SUMF1: variants seen among roughly 807,000 people sequenced by gnomAD.
SUMF1 encodes the protein formylglycine-generating enzyme.
In SUMF1, 48 loss-of-function variants were observed where a neutral mutation model predicts 47.6. The observed-to-expected ratio is 1.01, with a 90% confidence interval of 0.80 to 1.28. The LOEUF (loss-of-function observed/expected upper bound fraction) is 1.28, where lower values mean the gene tolerates loss of function less well. Ranked by LOEUF, SUMF1 falls within the 50% of genes most tolerant of loss-of-function variation. The probability of loss-of-function intolerance (pLI) is 0.00; values close to 1 mark genes in which losing one functional copy is unlikely to be tolerated. For synonymous variants in SUMF1, 230 were observed against 192.1 expected, an observed-to-expected ratio of 1.20 and a Z score of -1.63; for missense variants, 571 against 485.4, an observed-to-expected ratio of 1.18 and a Z score of -1.66.
At chr3:4,158,643 A>G (rs1694507559) in intron 8 of SUMF1, among the ~76,000 whole-genome samples, 4 of 151,464 alleles carry the variant, frequency 2.6e-5, no homozygotes. Context: ...ATATGTGCTC[A>G]TATATATCTG....
chr3:4,253,855 A>G (rs371004477), intron 8 of SUMF1, among the ~76,000 whole-genome samples: 547 of 149,386 alleles, frequency 3.7e-3, no homozygotes, highest in East Asian at 7.1e-3. Context: ...GCAGACTTAA[A>G]TGTCCCTGTC....
intron 8 of SUMF1, among the ~76,000 whole-genome samples, chr3:4,111,150 T>C (rs1693296938): frequency 6.6e-6 from 1 of 151,830 alleles, no homozygotes; most frequent in Non-Finnish European, 1.5e-5. Flanking sequence ...GACCCCTACA[T>C]GTAACAAAAT....
intron 8 of SUMF1, among the ~76,000 whole-genome samples, chr3:4,214,691 C>T (rs1695878240): frequency 6.6e-6 from 1 of 151,748 alleles, no homozygotes; most frequent in Non-Finnish European, 1.5e-5. Flanking sequence ...CAAATATATG[C>T]AATAAAAAAT....
intron 8 of SUMF1, among the ~76,000 whole-genome samples, chr3:4,133,812 T>G (rs1693850660): frequency 6.6e-6 from 1 of 152,108 alleles, no homozygotes; most frequent in South Asian, 2.1e-4. Context: ...TTTATATATG[T>G]ATATCTATTC....
intron 8 of SUMF1, among the ~76,000 whole-genome samples, chr3:4,312,479 A>G (rs1227128577): frequency 6.6e-6 from 1 of 152,120 alleles, no homozygotes. Context: ...TATATAACAT[A>G]CTATTATATA....
chr3:4,082,033 A>C (rs1692570914), intron 8 of SUMF1, among the ~76,000 whole-genome samples: 1 of 152,186 alleles, frequency 6.6e-6, no homozygotes, highest in Non-Finnish European at 1.5e-5. Context: ...CTTACTTTCA[A>C]ACAAGTAGTT....
intron 8 of SUMF1, among the ~76,000 whole-genome samples, chr3:4,351,551 T>C (rs1699502003): frequency 6.6e-6 from 1 of 152,240 alleles, no homozygotes; most frequent in Non-Finnish European, 1.5e-5. Context: ...CTGGAACGAA[T>C]GAGCTGATAA....
intron 8 of SUMF1, among the ~76,000 whole-genome samples, chr3:4,100,480 A>C (rs1454993974): frequency 6.6e-6 from 1 of 151,956 alleles, no homozygotes; most frequent in African/African-American, 2.4e-5. Flanking sequence ...AAAGCCACAG[A>C]TAAAATTTAA....
rs757223387 is a variant in SUMF1 at position 4,467,040 on chromosome 3, CGGTGA to C, written c.201_205del (p.His68IlefsTer6). The C allele has an allele frequency of 1.3e-6, 2 of 1,574,686 alleles. No individual in the cohort carries two copies. The highest frequency in any genetic ancestry group is 2.3e-5 in the South Asian group (2 of 86,658). ...CGGAGCGTTAGCCTCCCGCGAGTATCGGTGAGCGGCTGCCGAACTGCCATGGGCGC... is the reference window on the plus strand; with the variant it reads ...CGGAGCGTTAGCCTCCCGCGAGTATCGCGGCTGCCGAACTGCCATGGGCGC... On this transcript the variant is annotated frameshift_variant, in exon 1 of 9. Coordinates refer to ENST00000272902, the MANE Select transcript of SUMF1 (RefSeq NM_182760.4). LOFTEE classifies it high-confidence loss of function.
intron 8 of SUMF1, chr3:4,316,113 T>A (rs997840712): frequency 1.3e-5 from 7 of 543,382 alleles, no homozygotes; most frequent in Non-Finnish European, 2.3e-5. Flanking sequence ...GATATTGGAA[T>A]ACATTCTTAA....
chr3:4,074,522 A>T (rs1439891330), intron 8 of SUMF1, among the ~76,000 whole-genome samples: 1 of 152,138 alleles, frequency 6.6e-6, no homozygotes, highest in Non-Finnish European at 1.5e-5. Flanking sequence ...AGACACAAAA[A>T]AACCCTTCAA....
chr3:4,287,995 T>G (rs1358664659), intron 8 of SUMF1, among the ~76,000 whole-genome samples: 1 of 152,226 alleles, frequency 6.6e-6, no homozygotes, highest in African/African-American at 2.4e-5. Context: ...TTTAGCTCCC[T>G]TTCCTAACTC....
chr3:4,354,363 A>G (rs1211380636), intron 8 of SUMF1, among the ~76,000 whole-genome samples: 1 of 152,246 alleles, frequency 6.6e-6, no homozygotes, highest in Non-Finnish European at 1.5e-5. Flanking sequence ...ATGGGCCAAC[A>G]GACTATCCTC....
At chr3:4,240,462 A>T (rs1431845574) in intron 8 of SUMF1, among the ~76,000 whole-genome samples, 1 of 151,974 alleles carries the variant, frequency 6.6e-6, no homozygotes, top group East Asian at 1.9e-4. Context: ...TTTAATTTTC[A>T]TTTTGAAACC....
intron 8 of SUMF1, among the ~76,000 whole-genome samples, chr3:4,315,539 C>G (rs916790433): frequency 5.9e-5 from 9 of 152,166 alleles, no homozygotes; most frequent in Non-Finnish European, 1.2e-4. Context: ...TATTATATAG[C>G]ACTTAATCCT....
At chr3:4,090,646 T>C (rs1692765314) in intron 8 of SUMF1, among the ~76,000 whole-genome samples, 1 of 152,112 alleles carries the variant, frequency 6.6e-6, no homozygotes, top group Non-Finnish European at 1.5e-5. Context: ...CCCCCCATAT[T>C]TGTTATTGTT....
intron 8 of SUMF1, chr3:4,317,494 G>A (rs1311609184): frequency 1.1e-5 from 4 of 353,286 alleles, no homozygotes; most frequent in South Asian, 1.2e-4. Context: ...ACCAGCCTGG[G>A]CAACATAGTG....
At chr3:4,190,444 A>G (rs974984337) in intron 8 of SUMF1, among the ~76,000 whole-genome samples, 3 of 143,372 alleles carry the variant, frequency 2.1e-5, no homozygotes, top group African/African-American at 9.0e-5. Flanking sequence ...AGAACTTATC[A>G]CATGGGGCAT....
At chr3:4,366,416 T>C (rs1699959680) in intron 8 of SUMF1, among the ~76,000 whole-genome samples, 1 of 152,010 alleles carries the variant, frequency 6.6e-6, no homozygotes, top group African/African-American at 2.4e-5. Flanking sequence ...TGTTCATTTC[T>C]TTTTATTCTT....
Sources: allele counts gnomAD v4.1 joint callset (sites outside exome capture counted in the v4.1 genomes callset), GRCh38; gene constraint gnomAD v4.1.1; transcripts MANE v1.5; gene names NCBI Gene and HGNC (gene_info 2026-07-23, HGNC 2026-07-21).